Variants in CSMD1 observed in about 807,000 individuals in gnomAD.
CSMD1 encodes the protein CUB and Sushi multiple domains 1.
In CSMD1, 213 loss-of-function variants were observed where a neutral mutation model predicts 417.5. The ratio of observed to expected loss-of-function variants is 0.51; its 90% CI spans 0.46 to 0.57. The LOEUF is 0.57. Among genes scored for constraint, CSMD1 ranks in the 20% least tolerant of loss-of-function variants. The pLI, the probability that CSMD1 is intolerant of heterozygous loss-of-function variation, is 0.00. For missense variants in CSMD1, 6,923 were observed against 4,529.7 expected (o/e 1.53, Z -15.17); for synonymous variants, 2,862 against 1,736.8 (o/e 1.65, Z -16.11).
intron 25 of CSMD1, among the ~76,000 whole-genome samples, chr8:3,302,455 A>C (rs990358976): frequency 2.0e-5 from 3 of 152,004 alleles, no homozygotes; most frequent in African/African-American, 7.3e-5. Flanking sequence ...TTCTCCTGTA[A>C]TTCCATTTAT....
intron 3 of CSMD1, among the ~76,000 whole-genome samples, chr8:4,243,317 C>T (rs1802511620): frequency 6.6e-6 from 1 of 152,114 alleles, no homozygotes; most frequent in East Asian, 1.9e-4. Context: ...TTGGCTAAAT[C>T]TGAAATTGCT....
chr8:4,427,274 T>C (rs760893292), intron 2 of CSMD1, among the ~76,000 whole-genome samples: 14 of 152,182 alleles, frequency 9.2e-5, no homozygotes, highest in African/African-American at 1.4e-4. Flanking sequence ...ACTTGAGTTA[T>C]GTGGCCTTGG....
intron 7 of CSMD1, among the ~76,000 whole-genome samples, chr8:3,698,375 T>C (rs566701724): frequency 1.3e-5 from 2 of 152,348 alleles, no homozygotes; most frequent in East Asian, 3.9e-4. Context: ...CATTTTATGA[T>C]GGAGCAAACT....
chr8:3,331,673 T>C (rs550283707), intron 23 of CSMD1, among the ~76,000 whole-genome samples: 58 of 152,370 alleles, frequency 3.8e-4, no homozygotes, highest in Middle Eastern at 3.4e-3. Flanking sequence ...CCAATATTTC[T>C]CTTTTACCAT....
At chr8:4,289,321 G>T (rs1164552693) in intron 3 of CSMD1, among the ~76,000 whole-genome samples, 1 of 152,144 alleles carries the variant, frequency 6.6e-6, no homozygotes, top group Non-Finnish European at 1.5e-5. Flanking sequence ...TTGCTATCAC[G>T]TAACTCCCAT....
At chr8:2,956,390 C>A (rs1226854128) in intron 63 of CSMD1, among the ~76,000 whole-genome samples, 1 of 151,862 alleles carries the variant, frequency 6.6e-6, no homozygotes, top group Non-Finnish European at 1.5e-5. Context: ...TGCATACATG[C>A]TGCAAATAAA....
Position 3,390,094 on chromosome 8 carries a change from C to T in CSMD1, c.2594-2412G>A, listed in dbSNP as rs916871615. ...ATTTGGCTGGGCACGGTGGCTCATG[C>T]TTGTAATCCCAGCACTTTGGGAGGC... is the stretch of plus-strand genomic sequence containing the variant. On this transcript the variant is annotated intron_variant, in intron 17 of 69. Transcript: ENST00000635120. Among the ~76,000 whole-genome samples the T allele has an allele frequency of 5.3e-5, 8 of 152,044 alleles. 1 individual carries two copies. The South Asian group carries it at 1.7e-3, about 32-fold the overall frequency.
At position 3,371,794 on chromosome 8, in the gene CSMD1, A is replaced by T. The variant is rs189189187; in HGVS notation, c.2783-2424T>A. ...AAAATCGGCAAAAGAGAAAATTTTTAAAATAATTTCTAGAATATTTTAAGA... is the reference window on the plus strand; with the variant it reads ...AAAATCGGCAAAAGAGAAAATTTTTTAAATAATTTCTAGAATATTTTAAGA... On this transcript the variant is annotated intron_variant, in intron 18 of 69. Coordinates refer to ENST00000635120, the MANE Select transcript of CSMD1 (RefSeq NM_033225.6). 3.7e-3 allele frequency among the ~76,000 whole-genome samples: 566 copies of T among 152,344 alleles called. 4 individuals are homozygous for T. The highest frequency in any genetic ancestry group is 0.013 in the African/African-American group (531 of 41,588).
chr8:4,200,069 T>A (rs994090274), intron 3 of CSMD1, among the ~76,000 whole-genome samples: 7 of 152,212 alleles, frequency 4.6e-5, no homozygotes, highest in African/African-American at 1.7e-4. Flanking sequence ...TATCAACAAA[T>A]CATCCTCTTT....
At chr8:4,034,398 A>G (rs779167219) in intron 3 of CSMD1, among the ~76,000 whole-genome samples, 5 of 152,380 alleles carry the variant, frequency 3.3e-5, no homozygotes, top group South Asian at 2.1e-4. Flanking sequence ...GTTTGAAAAC[A>G]CAACAGAAAA....
At position 3,044,413 on chromosome 8, in the gene CSMD1, A is replaced by G. The variant is rs114366468; in HGVS notation, c.7660+8049T>C. ...TTTTAATCCTGTAGTGACTTTGCTC[A>G]CTTACACCAGAGAAATAAACAATTT... On this transcript the variant is annotated intron_variant, in intron 50 of 69. Coordinates refer to ENST00000635120, the MANE Select transcript of CSMD1 (RefSeq NM_033225.6). Among the ~76,000 whole-genome samples the G allele has an allele frequency of 8.1e-3, 1,229 of 152,296 alleles. 19 individuals carry two copies. Among genetic ancestry groups the G allele is most frequent in the African/African-American group, 0.028 (1,157 of 41,558 alleles).
At chr8:4,492,478 C>T (rs988660097) in intron 2 of CSMD1, among the ~76,000 whole-genome samples, 2 of 152,212 alleles carry the variant, frequency 1.3e-5, no homozygotes, top group South Asian at 2.1e-4. Flanking sequence ...TTAGATTCCT[C>T]AGTATATATA....
chr8:4,793,519 A>T (rs527404777), intron 1 of CSMD1, among the ~76,000 whole-genome samples: 2 of 151,952 alleles, frequency 1.3e-5, no homozygotes, highest in African/African-American at 4.8e-5. Flanking sequence ...CACCTACACC[A>T]GGGCACAGTC....
chr8:4,080,836 T>C (rs746241551), intron 3 of CSMD1, among the ~76,000 whole-genome samples: 4 of 152,282 alleles, frequency 2.6e-5, no homozygotes, highest in Non-Finnish European at 5.9e-5. Context: ...AATAAAGGTA[T>C]TGCTATGGAT....
intron 5 of CSMD1, among the ~76,000 whole-genome samples, chr8:3,805,905 G>C (rs1490732691): frequency 6.6e-6 from 1 of 152,096 alleles, no homozygotes; most frequent in Non-Finnish European, 1.5e-5. Context: ...ACTTCTTGTA[G>C]TGGACATGCT....
chr8:2,978,592 TG>T lies in CSMD1; in HGVS notation c.8566+19del. The T allele has an allele frequency of 6.4e-7, 1 of 1,560,022 alleles. No individual in the cohort carries two copies. The highest frequency in any genetic ancestry group is 1.2e-5 in the South Asian group (1 of 83,372). On this transcript the variant is annotated intron_variant, in intron 55 of 69. Transcript: ENST00000635120. ...CTTGCAGGGGTCTCTGCACAGAAAT[TG>T]GGAATAACCCTGACTTACCCAAACA... is the stretch of plus-strand genomic sequence containing the variant.
In CSMD1 at chr8:4,219,523, C is replaced by T. The variant is rs114518626; in HGVS notation, c.416-187424G>A. Among the ~76,000 whole-genome samples the T allele has an allele frequency of 5.2e-3, 784 of 151,058 alleles. 8 individuals are homozygous for T. The highest frequency in any genetic ancestry group is 0.018 in the African/African-American group (742 of 41,056). On this transcript the variant is annotated intron_variant, in intron 3 of 69. Coordinates refer to ENST00000635120, the MANE Select transcript of CSMD1 (RefSeq NM_033225.6). ...TGTTCCCAACATTTCTCGTGAACAC[C>T]GCAAACGTGACTTAAACATTTATGC...
intron 2 of CSMD1, among the ~76,000 whole-genome samples, chr8:4,583,235 A>G (rs1585285331): frequency 6.6e-6 from 1 of 152,230 alleles, no homozygotes. Flanking sequence ...AGGGACTGGC[A>G]GGCAGCTCCA....
At position 3,708,511 on chromosome 8, in the gene CSMD1, G is replaced by C; in HGVS notation, c.932-20C>G. 2 of 1,608,230 alleles carry C rather than the reference G, an allele frequency of 1.2e-6. No homozygotes were observed. The highest frequency in any genetic ancestry group is 1.3e-5 in the African/African-American group (1 of 74,870). On this transcript the variant is annotated intron_variant, in intron 6 of 69. Transcript: ENST00000635120. The stretch of plus-strand genomic sequence containing the variant: ...TTTTCACTGGAAGAAACAAAACCAA[G>C]CCATTAGCAGGTAAGACTTGGAGAT...
Sources: gnomAD v4.1 joint callset for allele counts (sites outside exome capture counted in the v4.1 genomes callset) on GRCh38, gnomAD v4.1.1 for gene constraint, MANE v1.5 for transcripts, NCBI Gene and HGNC (gene_info 2026-07-23, HGNC 2026-07-21) for gene names.